Variants in RPL26L1 observed in about 807,000 individuals in gnomAD.
The protein encoded by RPL26L1 is ribosomal protein L26 like 1.
A neutral mutation model predicts 15.2 loss-of-function variants in RPL26L1; 8 were observed. The observed-to-expected ratio is 0.53, with a 90% CI of 0.31 to 0.95. The LOEUF is 0.95. RPL26L1 is among the 40% of genes least tolerant of loss of function. The pLI is 0.05. For missense variants in RPL26L1, 146 were observed against 190.9 expected, an observed-to-expected ratio of 0.76 and a Z score of 1.39; for synonymous variants, 51 against 65.9, an observed-to-expected ratio of 0.77 and a Z score of 1.09.
At chr5:172,959,387 T>C, upstream of RPL26L1, 1 of 1,005,222 alleles carries the variant, frequency 9.9e-7, no homozygotes, top group Non-Finnish European at 1.2e-6. Flanking sequence ...GAAATGGGGC[T>C]TCGATGTCTT....
intron 1 of RPL26L1, 75 bp downstream of exon 1, chr5:172,959,543 A>C: frequency 8.8e-7 from 1 of 1,130,120 alleles, no homozygotes; most frequent in Non-Finnish European, 1.1e-6. Flanking sequence ...TGTCGCGGGA[A>C]CACATGTCAC....
intron 3 of RPL26L1, 130 bp from the exon 4 acceptor site, chr5:172,969,283 C>T: frequency 6.8e-6 from 6 of 878,966 alleles, no homozygotes; most frequent in Non-Finnish European, 1.1e-5. Flanking sequence ...GTTACAGGGT[C>T]TGTTTTCCTT....
At position 172,962,117 on chromosome 5, in the gene RPL26L1, T is replaced by A. The variant is rs150141300; in HGVS notation, c.168+2076T>A. On this transcript the variant is annotated intron_variant, in intron 2 of 3. Transcript: ENST00000265100. The stretch of plus-strand genomic sequence containing the variant: ...CTACCTCCAAAGTAAGTCTTGAACC[T>A]ATTTCCTGTCCAGTTCAAGGCAGCA... Among the ~76,000 whole-genome samples, 25 of 152,384 alleles carry A rather than the reference T, an allele frequency of 1.6e-4. No homozygotes were observed. The East Asian group carries it at 4.8e-3, about 29-fold the overall frequency.
chr5:172,961,772 T>C (rs1446805109), intron 2 of RPL26L1, among the ~76,000 whole-genome samples: 1 of 152,262 alleles, frequency 6.6e-6, no homozygotes, highest in East Asian at 1.9e-4. Flanking sequence ...GTCTGCTGTG[T>C]GCTAACAACT....
chr5:172,965,135 A>G (rs1029357300), intron 2 of RPL26L1, among the ~76,000 whole-genome samples: 2 of 152,178 alleles, frequency 1.3e-5, no homozygotes, highest in Non-Finnish European at 1.5e-5. Context: ...GTGGTGAGCC[A>G]AGATCACGCC....
chr5:172,960,235 AAT>A (rs1014953370), intron 2 of RPL26L1, among the ~76,000 whole-genome samples, 194 bp downstream of exon 2: 1 of 152,176 alleles, frequency 6.6e-6, no homozygotes, highest in African/African-American at 2.4e-5. Context: ...ATTTAATAGT[AAT>A]AGTAAAATTT....
At chr5:172,959,259 A>C, upstream of RPL26L1, 1 of 407,556 alleles carries the variant, frequency 2.5e-6, no homozygotes, top group Non-Finnish European at 3.3e-6. Context: ...CCTCTACCGC[A>C]GGCCCTACAC....
upstream of RPL26L1, among the ~76,000 whole-genome samples, chr5:172,954,362 G>A (rs953370430): frequency 2.0e-5 from 3 of 151,930 alleles, no homozygotes; most frequent in Admixed American, 6.6e-5. Flanking sequence ...GAGCCCAAGA[G>A]TTTGAGACCA....
chr5:172,963,636 C>G (rs1262362643), intron 2 of RPL26L1, among the ~76,000 whole-genome samples: 1 of 152,200 alleles, frequency 6.6e-6, no homozygotes, highest in Non-Finnish European at 1.5e-5. Context: ...CTCAGAGAAG[C>G]CTTCCCAGAT....
chr5:172,965,052 C>T (rs778624732), intron 2 of RPL26L1, among the ~76,000 whole-genome samples: 1 of 152,164 alleles, frequency 6.6e-6, no homozygotes, highest in Non-Finnish European at 1.5e-5. Context: ...GGCGTGATGG[C>T]ACATGCCTGT....
chr5:172,965,439 T>C (rs1325006500), intron 2 of RPL26L1, among the ~76,000 whole-genome samples: 4 of 152,190 alleles, frequency 2.6e-5, no homozygotes, highest in Non-Finnish European at 5.9e-5. Flanking sequence ...CCCCTTCTCA[T>C]CTTCAGAGCC....
chr5:172,967,883 T>C (rs953927982), intron 2 of RPL26L1, among the ~76,000 whole-genome samples: 3 of 151,578 alleles, frequency 2.0e-5, no homozygotes, highest in African/African-American at 7.3e-5. Context: ...ATATGATACG[T>C]GTATGTATAT....
At chr5:172,964,830 A>G (rs1755388062) in intron 2 of RPL26L1, among the ~76,000 whole-genome samples, 1 of 152,288 alleles carries the variant, frequency 6.6e-6, no homozygotes, top group African/African-American at 2.4e-5. Context: ...GTGGCTCCAC[A>G]CCTACACGTT....
chr5:172,959,673 C>T (rs1279822269), intron 1 of RPL26L1, 192 bp from the exon 2 acceptor site: 2 of 1,071,010 alleles, frequency 1.9e-6, no homozygotes, highest in Non-Finnish European at 2.6e-6. Flanking sequence ...GACGGGCATG[C>T]GACCTCCACA....
intron 2 of RPL26L1, 125 bp downstream of exon 2, chr5:172,960,166 G>A: frequency 8.8e-7 from 1 of 1,137,236 alleles, no homozygotes; most frequent in South Asian, 1.3e-5. Context: ...GATGTGTTAG[G>A]CCAGAGATAG....
At chr5:172,959,383 G>A (rs1259166973), upstream of RPL26L1, 2 of 1,004,484 alleles carry the variant, frequency 2.0e-6, no homozygotes, top group Non-Finnish European at 2.4e-6. Flanking sequence ...TACGGAAATG[G>A]GGCTTCGATG....
upstream of RPL26L1, chr5:172,955,129 G>GTTTTTTTTTTTTTTTTTTTT (rs58150544): frequency 1.0e-5 from 2 of 200,376 alleles, 1 homozygote; most frequent in African/African-American, 9.2e-5. Context: ...GCTGTGGTTA[G>GTTTTTTTTTTTTTTTTTTTT]TTTTTTTTTT....
intron 2 of RPL26L1, among the ~76,000 whole-genome samples, chr5:172,963,259 A>C (rs1755312804): frequency 6.6e-6 from 1 of 151,840 alleles, no homozygotes; most frequent in African/African-American, 2.4e-5. Context: ...CTGTAATCCC[A>C]AGTACTCGGG....
chr5:172,961,102 G>A (rs564741875), intron 2 of RPL26L1, among the ~76,000 whole-genome samples: 1 of 152,308 alleles, frequency 6.6e-6, no homozygotes, highest in African/African-American at 2.4e-5. Context: ...TATTGTCTTA[G>A]AGAATGAAAT....
Sources: allele counts gnomAD v4.1 joint callset (sites outside exome capture counted in the v4.1 genomes callset), GRCh38; gene constraint gnomAD v4.1.1; transcripts MANE v1.5; gene names NCBI Gene and HGNC (gene_info 2026-07-23, HGNC 2026-07-21).